The following TTC6 variants were observed in gnomAD, a reference collection of about 807,000 sequenced individuals.
TTC6 encodes the protein tetratricopeptide repeat domain 6.
A neutral mutation model predicts 210.4 loss-of-function variants in TTC6; 172 were observed. The ratio of observed to expected loss-of-function variants is 0.82; its 90% confidence interval spans 0.72 to 0.93. The LOEUF is 0.93. Ranked by LOEUF, TTC6 falls within the 40% of genes least tolerant of loss-of-function variation. The pLI is 0.00. For missense variants in TTC6, 2,414 were observed against 2,318.1 expected (o/e 1.04, Z -0.85); for synonymous variants, 804 against 819.6 (o/e 0.98, Z 0.32).
intron 4 of TTC6, 41 bp from the exon 7 acceptor site, chr14:37,701,291 C>A: frequency 7.6e-7 from 1 of 1,321,388 alleles, no homozygotes; most frequent in Non-Finnish European, 9.7e-7. Flanking sequence ...CTAAAGTCCA[C>A]AAAATGATGA....
At chr14:37,665,905 T>C (rs2095747033) in intron 1 of TTC6, among the ~76,000 whole-genome samples, 1 of 150,464 alleles carries the variant, frequency 6.6e-6, no homozygotes, top group Admixed American at 6.6e-5. Flanking sequence ...AAGCTTGTCC[T>C]CTCATGCACA....
chr14:37,740,158 G>A (rs1308330378), intron 10 of TTC6, among the ~76,000 whole-genome samples: 5 of 44,792 alleles, frequency 1.1e-4, no homozygotes, highest in African/African-American at 1.8e-4. Flanking sequence ...GCGAGACTCC[G>A]TCTCAAAAAA....
chr14:37,755,941 G>A (rs182863644), intron 14 of TTC6, among the ~76,000 whole-genome samples: 10 of 152,224 alleles, frequency 6.6e-5, no homozygotes, highest in Admixed American at 5.9e-4. Context: ...AATTACTTTG[G>A]GCAGTATGGC....
intron 2 of TTC6, among the ~76,000 whole-genome samples, chr14:37,610,412 G>A (rs530502868): frequency 2.0e-3 from 304 of 152,308 alleles, no homozygotes; most frequent in Non-Finnish European, 3.6e-3. Context: ...TTAGTTGCCT[G>A]AATTTGGAGA....
At chr14:37,599,361 G>A (rs2095610838) in intron 1 of TTC6, among the ~76,000 whole-genome samples, 1 of 152,228 alleles carries the variant, frequency 6.6e-6, no homozygotes, top group Admixed American at 6.5e-5. Flanking sequence ...GCCTTTGCAG[G>A]CAGTTCTGTA....
At chr14:37,757,188 C>T (rs969712101) in intron 14 of TTC6, among the ~76,000 whole-genome samples, 10 of 151,728 alleles carry the variant, frequency 6.6e-5, no homozygotes, top group African/African-American at 2.2e-4. Flanking sequence ...GATCAGTGGT[C>T]ATATCCCCTT....
exon 22 of TTC6, chr14:37,806,488 C>A (rs1006218211): frequency 2.0e-6 from 3 of 1,533,816 alleles, no homozygotes; most frequent in Non-Finnish European, 2.6e-6. Flanking sequence ...CGTGCAATTA[C>A]CCTCAATCCA....
At chr14:37,600,537 T>C (rs2139211175) in intron 1 of TTC6, among the ~76,000 whole-genome samples, 1 of 152,262 alleles carries the variant, frequency 6.6e-6, no homozygotes, top group South Asian at 2.1e-4. Flanking sequence ...CTTTCAGTTG[T>C]CCCTGGTGGT....
chr14:37,632,024 T>C (rs2095670887), intron 1 of TTC6, among the ~76,000 whole-genome samples: 1 of 152,198 alleles, frequency 6.6e-6, no homozygotes, highest in Non-Finnish European at 1.5e-5. Context: ...CTAACCTTTT[T>C]TCAAGGCTCT....
At position 37,715,298 on chromosome 14, in the gene TTC6, A is replaced by G. The variant is rs181426028; in HGVS notation, c.1713+502A>G. On this transcript the variant is annotated intron_variant, in intron 6 of 30. Transcript: ENST00000553443. ...AAGATCTAGTATTTGTGTTATCACA[A>G]AAGATGGGGAGAGACTGAAAAGTAT... Among the ~76,000 whole-genome samples the G allele has an allele frequency of 1.4e-4, 21 of 152,308 alleles. No homozygotes were observed. The East Asian group carries it at 2.5e-3, about 18-fold the overall frequency.
intron 29 of TTC6, among the ~76,000 whole-genome samples, chr14:37,840,931 T>C (rs2096208641): frequency 6.6e-6 from 1 of 150,700 alleles, no homozygotes; most frequent in East Asian, 2.0e-4. Context: ...TGCATTGGTG[T>C]GACCTCCACT....
intron 2 of TTC6, among the ~76,000 whole-genome samples, chr14:37,613,629 G>T (rs1595010151): frequency 6.6e-6 from 1 of 151,946 alleles, no homozygotes; most frequent in African/African-American, 2.4e-5. Context: ...AAGATTTTTT[G>T]ATAACAGATA....
At chr14:37,599,542 C>T (rs1377382850) in intron 1 of TTC6, among the ~76,000 whole-genome samples, 1 of 152,194 alleles carries the variant, frequency 6.6e-6, no homozygotes, top group Non-Finnish European at 1.5e-5. Flanking sequence ...CTACTCCTGC[C>T]TGAGCGCCGC....
At chr14:37,611,754 C>T (rs2095634965) in intron 2 of TTC6, among the ~76,000 whole-genome samples, 1 of 152,124 alleles carries the variant, frequency 6.6e-6, no homozygotes, top group Non-Finnish European at 1.5e-5. Context: ...CTGACCTCTG[C>T]TGTCCCTTTA....
chr14:37,602,406 G>C (rs1202073270), intron 1 of TTC6, among the ~76,000 whole-genome samples: 4 of 152,254 alleles, frequency 2.6e-5, no homozygotes. Context: ...AGAACCTGCA[G>C]TGTTGTGGCA....
chr14:37,737,182 T>A (rs2095903982), intron 8 of TTC6, among the ~76,000 whole-genome samples: 1 of 152,148 alleles, frequency 6.6e-6, no homozygotes, highest in Non-Finnish European at 1.5e-5. Flanking sequence ...AACACCAGTC[T>A]GGGTGTTATT....
rs144563822 is a variant in TTC6 at position 37,765,864 on chromosome 14, C to T, written c.3266+12629C>T. 7.0e-4 allele frequency among the ~76,000 whole-genome samples: 106 copies of T among 152,174 alleles called. 2 individuals carry two copies. In the East Asian group the frequency reaches 0.019, roughly 28 times the overall value. ...TAAAGCACTTTAAATATGTTATCTA[C>T]TGCCTTCTGATCTCTGTGATTTCTA... On this transcript the variant is annotated intron_variant, in intron 14 of 30. Transcript: ENST00000553443.
At chr14:37,700,179 A>C (rs940468477) in intron 4 of TTC6, among the ~76,000 whole-genome samples, 20 of 152,166 alleles carry the variant, frequency 1.3e-4, no homozygotes, top group Admixed American at 1.3e-3. Flanking sequence ...GAAGGTAGGG[A>C]TGGAGTACTT....
At chr14:37,652,488 A>G (rs2095714865) in intron 1 of TTC6, among the ~76,000 whole-genome samples, 2 of 152,146 alleles carry the variant, frequency 1.3e-5, no homozygotes, top group African/African-American at 4.8e-5. Context: ...TGTTGCTGTT[A>G]TTATTTTAGT....
Sources: allele counts gnomAD v4.1 joint callset (sites outside exome capture counted in the v4.1 genomes callset), GRCh38; gene constraint gnomAD v4.1.1; transcripts MANE v1.5; gene names NCBI Gene and HGNC (gene_info 2026-07-23, HGNC 2026-07-21).